Variants in EYS observed in about 807,000 individuals in gnomAD.
The protein encoded by EYS is protein eyes shut homolog.
Under a neutral mutation model 282.1 loss-of-function variants are expected in EYS, and 250 were observed. The observed-to-expected ratio is 0.89, with a 90% confidence interval of 0.80 to 0.98. The LOEUF (loss-of-function observed/expected upper bound fraction) is 0.98. Among genes scored for constraint, EYS ranks in the 50% least tolerant of loss-of-function variants. EYS has a pLI of 0.00. For missense variants in EYS, 4,016 were observed against 3,709.0 expected, an observed-to-expected ratio of 1.08 and a Z score of -2.15; for synonymous variants, 1,355 against 1,282.9, an observed-to-expected ratio of 1.06 and a Z score of -1.20.
At chr6:64,092,301 G>C (rs189897985) in intron 31 of EYS, among the ~76,000 whole-genome samples, 1 of 152,284 alleles carries the variant, frequency 6.6e-6, no homozygotes, top group African/African-American at 2.4e-5. Flanking sequence ...GGTAATTCTA[G>C]TTGTAGATCC....
intron 35 of EYS, among the ~76,000 whole-genome samples, chr6:63,885,755 A>C (rs755525954): frequency 2.6e-5 from 4 of 152,118 alleles, no homozygotes; most frequent in Non-Finnish European, 5.9e-5. Flanking sequence ...TGATGGCCAG[A>C]TTTTTAGCTC....
chr6:65,096,061 A>C (rs1774732140), intron 12 of EYS, among the ~76,000 whole-genome samples: 1 of 151,132 alleles, frequency 6.6e-6, no homozygotes, highest in Non-Finnish European at 1.5e-5. Flanking sequence ...ATGATCCCCC[A>C]AAAATCTGTG....
chr6:65,178,944 C>T (rs1236682109), intron 12 of EYS, among the ~76,000 whole-genome samples: 3 of 152,094 alleles, frequency 2.0e-5, no homozygotes, highest in African/African-American at 4.8e-5. Context: ...AACTGAACAA[C>T]CTGCTCCTGA....
intron 26 of EYS, among the ~76,000 whole-genome samples, chr6:64,550,629 G>A (rs1765043784): frequency 6.6e-6 from 1 of 152,072 alleles, no homozygotes; most frequent in South Asian, 2.1e-4. Context: ...GGCAGGAGAA[G>A]GAAATAAAGG....
intron 1 of EYS, among the ~76,000 whole-genome samples, chr6:65,642,615 AT>A (rs1157014452): frequency 2.0e-5 from 3 of 152,074 alleles, no homozygotes; most frequent in Non-Finnish European, 4.4e-5. Flanking sequence ...TAGACTCTTC[AT>A]TTTGTTCTAT....
intron 7 of EYS, among the ~76,000 whole-genome samples, chr6:65,398,037 G>A (rs1162635635): frequency 6.6e-6 from 1 of 151,498 alleles, no homozygotes; most frequent in African/African-American, 2.4e-5. Context: ...TATGTTTTTT[G>A]GCTGCTTTTA....
chr6:65,008,971 CTT>C (rs1561918387), intron 13 of EYS, among the ~76,000 whole-genome samples: 1 of 152,184 alleles, frequency 6.6e-6, no homozygotes, highest in Admixed American at 6.5e-5. Context: ...GCGCTTTACT[CTT>C]TTCACATGCT....
At chr6:65,639,581 G>A (rs78480157) in intron 2 of EYS, among the ~76,000 whole-genome samples, 197 bp downstream of exon 2, 1,803 of 152,140 alleles carry the variant, frequency 0.012, 36 homozygotes, top group African/African-American at 0.042. Context: ...CACTTTTAGC[G>A]GATCTAAAGT....
rs1064794365 is a variant in EYS at position 64,886,685 on chromosome 6, A to T, written c.2992+12T>A. On this transcript the variant is annotated intron_variant, in intron 19 of 42. Coordinates refer to ENST00000503581, the MANE Select transcript of EYS (RefSeq NM_001142800.2). ...AAATATGTTGCTGCACATGGGACAG[A>T]TATGGATTTACCTGTATAACCAGGG... 8 of 1,538,274 alleles carry T rather than the reference A, an allele frequency of 5.2e-6. No homozygotes were observed. Among genetic ancestry groups the T allele is most frequent in the Non-Finnish European group, 7.0e-6 (8 of 1,140,574 alleles).
In EYS at chr6:64,902,131, CAT is replaced by C. The variant is rs878853349; in HGVS notation, c.2826_2827del (p.Val944GlyfsTer9). ...TTCTCACCTGTTTGTCAGATCCACACATGTTCCATTATTTTTGCAAGGTTCAG... is the reference window on the plus strand; with the variant it reads ...TTCTCACCTGTTTGTCAGATCCACACGTTCCATTATTTTTGCAAGGTTCAG... On this transcript the variant is annotated frameshift_variant, in exon 18 of 43. Coordinates refer to ENST00000503581, the MANE Select transcript of EYS (RefSeq NM_001142800.2). LOFTEE classifies it high-confidence loss of function. 2.2e-5 allele frequency: 34 copies of C among 1,545,908 alleles called. No homozygotes were observed. Among genetic ancestry groups the C allele is most frequent in the Non-Finnish European group, 2.8e-5 (32 of 1,144,542 alleles).
intron 12 of EYS, among the ~76,000 whole-genome samples, chr6:65,128,954 G>A (rs1775793328): frequency 6.6e-6 from 1 of 151,834 alleles, no homozygotes. Context: ...CATGGAACTG[G>A]TACAATAGAC....
At chr6:64,619,840 C>T (rs897847915) in intron 23 of EYS, among the ~76,000 whole-genome samples, 2 of 151,974 alleles carry the variant, frequency 1.3e-5, no homozygotes, top group Non-Finnish European at 2.9e-5. Flanking sequence ...CTCCCAGGTC[C>T]TTGGGAAACA....
At chr6:63,827,924 A>G (rs1043561186) in intron 36 of EYS, among the ~76,000 whole-genome samples, 3 of 152,032 alleles carry the variant, frequency 2.0e-5, no homozygotes, top group Non-Finnish European at 2.9e-5. Context: ...CTTGAAATCA[A>G]CTCCAAAAGG....
At chr6:65,659,394 T>A (rs145676902) in intron 1 of EYS, among the ~76,000 whole-genome samples, 19 of 151,764 alleles carry the variant, frequency 1.3e-4, no homozygotes, top group African/African-American at 4.6e-4. Context: ...TAAGAAAATA[T>A]CCTAGAAAGT....
intron 29 of EYS, among the ~76,000 whole-genome samples, chr6:64,375,056 T>C (rs1344105135): frequency 6.6e-6 from 1 of 152,240 alleles, no homozygotes; most frequent in African/African-American, 2.4e-5. Flanking sequence ...GTTTTGGAGT[T>C]AGTTCATTAC....
chr6:64,788,739 A>G (rs1272783868), intron 22 of EYS, among the ~76,000 whole-genome samples: 1 of 151,960 alleles, frequency 6.6e-6, no homozygotes, highest in African/African-American at 2.4e-5. Flanking sequence ...CCCTATTGTC[A>G]CTTACTTCTC....
At chr6:64,765,326 A>G (rs1234174484) in intron 22 of EYS, among the ~76,000 whole-genome samples, 5 of 152,166 alleles carry the variant, frequency 3.3e-5, no homozygotes, top group Non-Finnish European at 4.4e-5. Flanking sequence ...TTCATTGTCC[A>G]TATCACTAGC....
At position 64,602,461 on chromosome 6, in the gene EYS, A is replaced by G. The variant is rs1766792682; in HGVS notation, c.3685-9152T>C. Reference sequence around the variant, plus strand: ...TTGAGCTACAAGAGTCATCAACCTTACTCTGAGAAATAAGGGCCACATCAT... The same window carrying G: ...TTGAGCTACAAGAGTCATCAACCTTGCTCTGAGAAATAAGGGCCACATCAT... On this transcript the variant is annotated intron_variant, in intron 24 of 42. Coordinates refer to ENST00000503581, the MANE Select transcript of EYS (RefSeq NM_001142800.2). Among the ~76,000 whole-genome samples the G allele has an allele frequency of 3.3e-5, 5 of 151,980 alleles. No individual in the cohort carries two copies. In the South Asian group the frequency reaches 1.0e-3, roughly 32 times the overall value.
intron 12 of EYS, among the ~76,000 whole-genome samples, chr6:65,085,972 A>C (rs1774356894): frequency 6.6e-6 from 1 of 151,558 alleles, no homozygotes; most frequent in African/African-American, 2.4e-5. Flanking sequence ...TACGTCTATA[A>C]AAACATTTTT....
Sources: gnomAD v4.1 joint callset for allele counts (sites outside exome capture counted in the v4.1 genomes callset) on GRCh38, gnomAD v4.1.1 for gene constraint, MANE v1.5 for transcripts, NCBI Gene and HGNC (gene_info 2026-07-23, HGNC 2026-07-21) for gene names.